Variants in CEP63 observed in about 807,000 individuals in gnomAD.
CEP63 encodes the protein centrosomal protein 63, also known as centrosomal protein of 63 kDa.
Under a neutral mutation model 89.1 loss-of-function variants are expected in CEP63, and 84 were observed. That is an observed-to-expected ratio of 0.94 (90% CI 0.79 to 1.13). The LOEUF is 1.13. CEP63 is among the 50% of genes most tolerant of loss of function. The pLI, the probability that CEP63 is intolerant of heterozygous loss-of-function variation, is 0.00. For synonymous variants in CEP63, 267 were observed against 272.5 expected (o/e 0.98, Z 0.20); for missense variants, 838 against 813.3 (o/e 1.03, Z -0.37).
chr3:134,720,403 T>G, the CEP63 span, among the ~76,000 whole-genome samples: 1 of 152,140 alleles, frequency 6.6e-6, no homozygotes, highest in Admixed American at 6.5e-5. Flanking sequence ...TTTCTCCTAT[T>G]ATTTGGTTTG....
chr3:134,608,470 C>T, the CEP63 span: 1 of 1,531,176 alleles, frequency 6.5e-7, no homozygotes, highest in Non-Finnish European at 8.8e-7. Context: ...GCCCTGATGG[C>T]CTGGGCTGCC....
chr3:134,614,612 G>A, the CEP63 span, among the ~76,000 whole-genome samples: 1 of 152,136 alleles, frequency 6.6e-6, no homozygotes, highest in East Asian at 1.9e-4. Flanking sequence ...CATTACCTGG[G>A]TTACCCTTGA....
At chr3:134,727,358 C>A in the CEP63 span, among the ~76,000 whole-genome samples, 1 of 152,174 alleles carries the variant, frequency 6.6e-6, no homozygotes, top group African/African-American at 2.4e-5. Flanking sequence ...GATCAGTTAG[C>A]AAAAACACCA....
At chr3:134,587,239 G>A (rs1336441068) in intron 10 of CEP63, among the ~76,000 whole-genome samples, 6 of 152,110 alleles carry the variant, frequency 3.9e-5, no homozygotes, top group Non-Finnish European at 7.4e-5. Flanking sequence ...TCCGTTGCTG[G>A]CGAGGAGCTC....
the CEP63 span, chr3:134,627,966 CTGAATTGCTGCT>C: frequency 1.6e-6 from 1 of 643,044 alleles, no homozygotes; most frequent in Non-Finnish European, 2.8e-6. Context: ...CCACTGACCA[CTGAATTGCTGCT>C]TGAATTGCCA....
chr3:134,623,072 G>T, the CEP63 span, among the ~76,000 whole-genome samples: 1 of 152,178 alleles, frequency 6.6e-6, no homozygotes, highest in Non-Finnish European at 1.5e-5. Flanking sequence ...GCCCCGAATG[G>T]TACTCAGCAT....
At chr3:134,642,517 G>A in the CEP63 span, among the ~76,000 whole-genome samples, 1 of 126,814 alleles carries the variant, frequency 7.9e-6, no homozygotes, top group South Asian at 3.5e-4. Flanking sequence ...CTTGTCGTGT[G>A]CTCAGATCCA....
At chr3:134,669,961 T>C in the CEP63 span, among the ~76,000 whole-genome samples, 1 of 152,192 alleles carries the variant, frequency 6.6e-6, no homozygotes, top group Non-Finnish European at 1.5e-5. Context: ...AGAGCCCTTC[T>C]GAATGGGATT....
the CEP63 span, chr3:134,604,450 A>T: frequency 6.2e-7 from 1 of 1,609,528 alleles, no homozygotes; most frequent in Non-Finnish European, 8.5e-7. Flanking sequence ...GCAGCTCTCA[A>T]TGGTGACCGT....
the CEP63 span, among the ~76,000 whole-genome samples, chr3:134,657,005 A>G: frequency 1.3e-5 from 2 of 152,256 alleles, no homozygotes; most frequent in East Asian, 3.8e-4. Context: ...CATAGAGTAT[A>G]ATAAGTGAAC....
At chr3:134,604,129 C>T in the CEP63 span, 44 of 1,608,090 alleles carry the variant, frequency 2.7e-5, no homozygotes, top group Non-Finnish European at 3.5e-5. Context: ...GATGGAGCAG[C>T]GCCCGTCGCT....
At chr3:134,758,398 G>A in the CEP63 span, among the ~76,000 whole-genome samples, 1 of 152,194 alleles carries the variant, frequency 6.6e-6, no homozygotes, top group African/African-American at 2.4e-5. Context: ...TTAGGGTGTT[G>A]TAGTCGTTTA....
chr3:134,630,231 T>C, the CEP63 span, among the ~76,000 whole-genome samples: 2 of 152,156 alleles, frequency 1.3e-5, no homozygotes, highest in South Asian at 2.1e-4. Flanking sequence ...TTGTTGTTTT[T>C]CCCCCACTTT....
At chr3:134,747,804 G>A in the CEP63 span, among the ~76,000 whole-genome samples, 3 of 152,174 alleles carry the variant, frequency 2.0e-5, no homozygotes, top group Non-Finnish European at 4.4e-5. Flanking sequence ...TTCTTTTTTT[G>A]AGACGGAGTC....
chr3:134,541,029 A>T (rs938671165), intron 6 of CEP63, among the ~76,000 whole-genome samples: 55 of 151,994 alleles, frequency 3.6e-4, no homozygotes, highest in Non-Finnish European at 7.5e-4. Context: ...TGATCTGCCC[A>T]CCTTGGCCTC....
the CEP63 span, among the ~76,000 whole-genome samples, chr3:134,596,164 C>T: frequency 1.3e-5 from 2 of 152,058 alleles, no homozygotes; most frequent in Admixed American, 1.3e-4. Context: ...AATCTTCAAA[C>T]AGGGCCATGG....
intron 2 of CEP63, among the ~76,000 whole-genome samples, chr3:134,504,757 A>G (rs1413895776): frequency 3.9e-5 from 6 of 152,136 alleles, no homozygotes; most frequent in Middle Eastern, 3.4e-3. Context: ...TGATCACTTT[A>G]TGGTCTCCCA....
the CEP63 span, among the ~76,000 whole-genome samples, chr3:134,671,008 T>C: frequency 0.45 from 68,784 of 152,062 alleles, 16,296 homozygotes; most frequent in East Asian, 0.71. Context: ...GTGGTAAAAG[T>C]CTAAAAAATG....
At chr3:134,516,371 C>T (rs966258723) in intron 3 of CEP63, among the ~76,000 whole-genome samples, 3 of 152,156 alleles carry the variant, frequency 2.0e-5, no homozygotes, top group Non-Finnish European at 4.4e-5. Flanking sequence ...GGTTTTATAC[C>T]GAGACATTCC....
Sources: allele counts gnomAD v4.1 joint callset (sites outside exome capture counted in the v4.1 genomes callset), GRCh38; gene constraint gnomAD v4.1.1; transcripts MANE v1.5; gene names NCBI Gene and HGNC (gene_info 2026-07-23, HGNC 2026-07-21).